Variants in SLC30A8 observed in about 807,000 individuals in gnomAD.
SLC30A8 encodes solute carrier family 30 member 8, also known as proton-coupled zinc antiporter SLC30A8.
In SLC30A8, 27 loss-of-function variants were observed where a neutral mutation model predicts 36.9. That is an observed-to-expected ratio of 0.73 (90% CI 0.54 to 1.01). SLC30A8 has a LOEUF of 1.01. Among genes scored for constraint, SLC30A8 ranks in the 50% least tolerant of loss-of-function variants. SLC30A8 has a pLI of 0.00. For missense variants in SLC30A8, 439 were observed against 452.0 expected, an observed-to-expected ratio of 0.97 and a Z score of 0.26; for synonymous variants, 164 against 172.4, an observed-to-expected ratio of 0.95 and a Z score of 0.38.
At chr8:116,971,301 A>AG (rs1356066733) in intron 1 of SLC30A8, among the ~76,000 whole-genome samples, 2 of 151,392 alleles carry the variant, frequency 1.3e-5, no homozygotes, top group African/African-American at 2.4e-5. Flanking sequence ...CATTCCCTGT[A>AG]GGAAAAAAAA....
At chr8:116,955,702 G>A (rs776504792) in intron 1 of SLC30A8, among the ~76,000 whole-genome samples, 11 of 148,124 alleles carry the variant, frequency 7.4e-5, no homozygotes, top group Non-Finnish European at 1.6e-4. Context: ...CAGCCTGGGT[G>A]ACAGAGCGAG....
intron 1 of SLC30A8, among the ~76,000 whole-genome samples, chr8:116,955,968 G>GA (rs1156303607): frequency 6.6e-6 from 1 of 152,030 alleles, no homozygotes; most frequent in East Asian, 1.9e-4. Context: ...AAACAAACAG[G>GA]AAAAAATGGA....
At chr8:117,125,724 A>G (rs1820875339) in intron 2 of SLC30A8, among the ~76,000 whole-genome samples, 1 of 152,076 alleles carries the variant, frequency 6.6e-6, no homozygotes, top group Non-Finnish European at 1.5e-5. Context: ...GTTTTGCACC[A>G]ATGAGAAATA....
chr8:117,037,314 T>A (rs1324237109), intron 1 of SLC30A8, among the ~76,000 whole-genome samples: 2 of 152,182 alleles, frequency 1.3e-5, no homozygotes, highest in East Asian at 3.9e-4. Flanking sequence ...TCTGAAAATA[T>A]TGACTTGAGC....
At chr8:117,001,622 T>G (rs1816014374) in intron 1 of SLC30A8, among the ~76,000 whole-genome samples, 1 of 152,170 alleles carries the variant, frequency 6.6e-6, no homozygotes, top group African/African-American at 2.4e-5. Context: ...TTTTTTCACG[T>G]GAACATTTAA....
intron 4 of SLC30A8, 50 bp downstream of exon 4, chr8:117,157,894 C>A: frequency 6.3e-7 from 1 of 1,596,516 alleles, no homozygotes. Flanking sequence ...TCTCCTGTAA[C>A]TATCTGGACA....
At chr8:117,126,388 T>C (rs932252378) in intron 2 of SLC30A8, among the ~76,000 whole-genome samples, 3 of 152,024 alleles carry the variant, frequency 2.0e-5, no homozygotes, top group African/African-American at 7.2e-5. Flanking sequence ...AGAAAAATCA[T>C]TTATCCCCAT....
rs140098303 is a variant in SLC30A8, at chr8:117,074,820, G to T, written c.-226+35562G>T. On this transcript the variant is annotated intron_variant, in intron 2 of 10. Transcript: ENST00000427715. ...CCATCCTTCATATCTCATTAAAATA[G>T]TAAGATCCGTTTATCTGCCTCTATA... is the stretch of plus-strand genomic sequence containing the variant. Among the ~76,000 whole-genome samples the T allele has an allele frequency of 1.3e-3, 205 of 152,162 alleles. 1 individual carries two copies. Among genetic ancestry groups the T allele is most frequent in the Middle Eastern group, 6.8e-3 (2 of 294 alleles).
chr8:116,959,985 T>G (rs947554140), intron 1 of SLC30A8, among the ~76,000 whole-genome samples: 2 of 152,252 alleles, frequency 1.3e-5, no homozygotes, highest in African/African-American at 2.4e-5. Flanking sequence ...ACTCTATCTC[T>G]TCAACTCAGA....
intron 6 of SLC30A8, among the ~76,000 whole-genome samples, chr8:117,169,506 GA>G (rs1823254657): frequency 6.6e-6 from 1 of 152,084 alleles, no homozygotes; most frequent in South Asian, 2.1e-4. Flanking sequence ...AATCCTCTGG[GA>G]AGCTTTTAAA....
At chr8:117,021,373 T>C (rs1487357286) in intron 1 of SLC30A8, among the ~76,000 whole-genome samples, 1 of 152,230 alleles carries the variant, frequency 6.6e-6, no homozygotes, top group African/African-American at 2.4e-5. Flanking sequence ...TCTTTTCTTC[T>C]AAATGCACCT....
chr8:117,114,283 T>C (rs1226619331), intron 2 of SLC30A8, among the ~76,000 whole-genome samples: 1 of 152,144 alleles, frequency 6.6e-6, no homozygotes, highest in Non-Finnish European at 1.5e-5. Flanking sequence ...CCATATTCAA[T>C]TGACAAGGAC....
chr8:117,059,528 C>T (rs1817967927), intron 2 of SLC30A8, among the ~76,000 whole-genome samples: 1 of 152,138 alleles, frequency 6.6e-6, no homozygotes, highest in South Asian at 2.1e-4. Context: ...TTAGGCAACC[C>T]TCCTTTCCTT....
chr8:117,071,251 C>A (rs1818323428), intron 2 of SLC30A8, among the ~76,000 whole-genome samples: 2 of 152,002 alleles, frequency 1.3e-5, no homozygotes, highest in Admixed American at 1.3e-4. Context: ...TCTAACAGGT[C>A]TGAGGTGGTA....
At chr8:117,027,957 T>C (rs564560674) in intron 1 of SLC30A8, among the ~76,000 whole-genome samples, 1 of 152,322 alleles carries the variant, frequency 6.6e-6, no homozygotes, top group African/African-American at 2.4e-5. Context: ...TTTCATAGGA[T>C]TATCCTGAGC....
At chr8:117,119,221 A>G (rs915107693) in intron 2 of SLC30A8, among the ~76,000 whole-genome samples, 1 of 151,946 alleles carries the variant, frequency 6.6e-6, no homozygotes, top group Non-Finnish European at 1.5e-5. Flanking sequence ...TCAGAGATCC[A>G]TTATGTTCCC....
At chr8:116,966,710 C>A (rs1169149486) in intron 1 of SLC30A8, among the ~76,000 whole-genome samples, 1 of 152,146 alleles carries the variant, frequency 6.6e-6, no homozygotes, top group Non-Finnish European at 1.5e-5. Flanking sequence ...TCTCAGTTCT[C>A]CTAGCTGACA....
chr8:117,116,051 C>T (rs1005831155), intron 2 of SLC30A8, among the ~76,000 whole-genome samples: 4 of 152,024 alleles, frequency 2.6e-5, no homozygotes, highest in African/African-American at 7.2e-5. Flanking sequence ...CCCTACCAAA[C>T]TTCTGTACGC....
chr8:117,001,480 G>C (rs1816010074), intron 1 of SLC30A8, among the ~76,000 whole-genome samples: 1 of 151,916 alleles, frequency 6.6e-6, no homozygotes, highest in African/African-American at 2.4e-5. Flanking sequence ...GTTGGAGTAG[G>C]GTTTTTCTAT....
Sources: gnomAD v4.1 joint callset for allele counts (sites outside exome capture counted in the v4.1 genomes callset) on GRCh38, gnomAD v4.1.1 for gene constraint, MANE v1.5 for transcripts, NCBI Gene and HGNC (gene_info 2026-07-23, HGNC 2026-07-21) for gene names.